Variants in LRRFIP2 observed in about 807,000 individuals in gnomAD.
LRRFIP2 encodes the protein leucine-rich repeat flightless-interacting protein 2.
In LRRFIP2, 109 loss-of-function variants were observed where a neutral mutation model predicts 125.9. That is an observed-to-expected ratio of 0.87 (90% CI 0.74 to 1.01). The LOEUF (loss-of-function observed/expected upper bound fraction) is 1.01. LRRFIP2 is among the 50% of genes least tolerant of loss of function. The probability of loss-of-function intolerance (pLI) is 0.00; values close to 1 mark genes in which losing one functional copy is unlikely to be tolerated. For missense variants in LRRFIP2, 850 were observed against 862.3 expected, an observed-to-expected ratio of 0.99 and a Z score of 0.18; for synonymous variants, 291 against 293.1, an observed-to-expected ratio of 0.99 and a Z score of 0.07.
intron 27 of LRRFIP2, 41 bp from the exon 28 acceptor site, chr3:37,054,002 A>AG: frequency 8.5e-7 from 1 of 1,169,974 alleles, no homozygotes; most frequent in African/African-American, 1.5e-5. Context: ...GTGGTCAGAA[A>AG]CAACATCCAG....
intron 2 of LRRFIP2, among the ~76,000 whole-genome samples, chr3:37,133,897 G>A (rs2095490813): frequency 6.6e-6 from 1 of 152,142 alleles, no homozygotes; most frequent in Non-Finnish European, 1.5e-5. Context: ...AATACTTTTA[G>A]AGTCTTTCGG....
chr3:37,155,249 C>T (rs1240723849), intron 1 of LRRFIP2, among the ~76,000 whole-genome samples: 3 of 152,102 alleles, frequency 2.0e-5, no homozygotes, highest in Non-Finnish European at 4.4e-5. Flanking sequence ...TAAAGCACTC[C>T]ATAAATATTT....
chr3:37,083,227 A>G (rs968159377), intron 19 of LRRFIP2, among the ~76,000 whole-genome samples: 1 of 152,234 alleles, frequency 6.6e-6, no homozygotes, highest in Non-Finnish European at 1.5e-5. Flanking sequence ...CCAATTATTT[A>G]GAAAATGGAT....
intron 4 of LRRFIP2, among the ~76,000 whole-genome samples, chr3:37,123,263 A>G (rs898419723): frequency 2.0e-5 from 3 of 152,156 alleles, no homozygotes; most frequent in Admixed American, 6.5e-5. Context: ...ACCTCAGTTC[A>G]TGGCAACCTC....
rs1019535880 is a variant in LRRFIP2 at position 37,060,372 on chromosome 3, G to C, written c.1750-1462C>G. 6.6e-6 allele frequency among the ~76,000 whole-genome samples: 1 copy of C among 152,246 alleles called. No homozygotes were observed. On this transcript the variant is annotated intron_variant, in intron 24 of 27. Coordinates refer to ENST00000336686, the MANE Select transcript of LRRFIP2 (RefSeq NM_006309.4). This position sits in a 1 kb window ranked among gnomAD's most constrained non-coding sequence, Gnocchi z 4.1. ...GGCCCAGACTGGAGTGCAGTGGCAT[G>C]ATCTCAGCTCACTGCAACCTCCGCC...
intron 18 of LRRFIP2, among the ~76,000 whole-genome samples, chr3:37,086,622 C>T (rs144707548): frequency 2.2e-4 from 33 of 151,840 alleles, no homozygotes; most frequent in African/African-American, 7.7e-4. Context: ...CACAAAAGAC[C>T]ACATATTGTA....
At chr3:37,147,737 C>G (rs1333162682) in intron 2 of LRRFIP2, among the ~76,000 whole-genome samples, 4 of 152,148 alleles carry the variant, frequency 2.6e-5, no homozygotes, top group Admixed American at 2.6e-4. Flanking sequence ...TTTAATGATG[C>G]TCTAAGCAAT....
At chr3:37,066,462 ACAGT>A (rs2090174963) in intron 21 of LRRFIP2, 137 bp from the exon 22 acceptor site, 10 of 696,600 alleles carry the variant, frequency 1.4e-5, no homozygotes, top group South Asian at 1.1e-4. Context: ...TTGGAAACAA[ACAGT>A]CAGATATGGG....
At chr3:37,160,912 C>T (rs1404412920) in intron 1 of LRRFIP2, among the ~76,000 whole-genome samples, 2 of 152,032 alleles carry the variant, frequency 1.3e-5, no homozygotes, top group Non-Finnish European at 2.9e-5. Context: ...TATGCCCACA[C>T]AAAAACTTGT....
intron 19 of LRRFIP2, among the ~76,000 whole-genome samples, chr3:37,081,921 T>G (rs1349985757): frequency 6.6e-6 from 1 of 150,742 alleles, no homozygotes; most frequent in Non-Finnish European, 1.5e-5. Flanking sequence ...AGGACAAGAT[T>G]AAGAAAACAA....
intron 6 of LRRFIP2, among the ~76,000 whole-genome samples, chr3:37,118,015 T>A (rs1197837742): frequency 1.3e-5 from 2 of 152,160 alleles, no homozygotes; most frequent in Middle Eastern, 3.2e-3. Flanking sequence ...ATATAAATAG[T>A]AACTAAATAC....
intron 24 of LRRFIP2, among the ~76,000 whole-genome samples, chr3:37,062,135 C>T (rs1269809046): frequency 6.6e-6 from 1 of 152,204 alleles, no homozygotes; most frequent in African/African-American, 2.4e-5. Context: ...TAGCTCTCTA[C>T]CCACTCCATG....
At chr3:37,097,613 G>T (rs2093790214) in intron 15 of LRRFIP2, among the ~76,000 whole-genome samples, 1 of 152,218 alleles carries the variant, frequency 6.6e-6, no homozygotes, top group Non-Finnish European at 1.5e-5. Context: ...ATTTTAAACA[G>T]CTTCATAGTA....
At chr3:37,116,650 G>A (rs1225671546) in intron 6 of LRRFIP2, among the ~76,000 whole-genome samples, 1 of 151,980 alleles carries the variant, frequency 6.6e-6, no homozygotes, top group African/African-American at 2.4e-5. Flanking sequence ...TTTTTAAAAA[G>A]CTTAAAATAT....
chr3:37,164,667 G>A (rs975245341), intron 1 of LRRFIP2, among the ~76,000 whole-genome samples: 18 of 150,902 alleles, frequency 1.2e-4, no homozygotes, highest in African/African-American at 4.4e-4. Context: ...GTTGCAGTGA[G>A]CCAAGATCAT....
At chr3:37,142,037 G>A (rs1251112657) in intron 2 of LRRFIP2, among the ~76,000 whole-genome samples, 1 of 152,046 alleles carries the variant, frequency 6.6e-6, no homozygotes, top group Non-Finnish European at 1.5e-5. Flanking sequence ...CTGAGAGCAA[G>A]AGATGACTTT....
chr3:37,143,054 G>A (rs910989698), intron 2 of LRRFIP2, among the ~76,000 whole-genome samples: 3 of 151,984 alleles, frequency 2.0e-5, no homozygotes, highest in Non-Finnish European at 2.9e-5. Flanking sequence ...TTCCACTCTC[G>A]CCATATGATG....
At chr3:37,111,847 C>T (rs2094555614) in intron 8 of LRRFIP2, 1 of 152,748 alleles carries the variant, frequency 6.5e-6, no homozygotes, top group Non-Finnish European at 1.5e-5. Context: ...GATCCCAAGA[C>T]CCTACCTTCC....
At chr3:37,120,192 C>T (rs1184896521) in intron 6 of LRRFIP2, among the ~76,000 whole-genome samples, 8 of 150,782 alleles carry the variant, frequency 5.3e-5, no homozygotes, top group African/African-American at 1.7e-4. Flanking sequence ...CGGCAACCTC[C>T]GCCTTCCAGG....
Sources: gnomAD v4.1 joint callset for allele counts (sites outside exome capture counted in the v4.1 genomes callset) on GRCh38, gnomAD v4.1.1 for gene constraint, Gnocchi (gnomAD v3.1) non-coding constraint, MANE v1.5 for transcripts, NCBI Gene and HGNC (gene_info 2026-07-23, HGNC 2026-07-21) for gene names.